Variants in CPQ observed in about 807,000 individuals in gnomAD.
CPQ encodes the protein carboxypeptidase Q.
In CPQ, 37 loss-of-function variants were observed where a neutral mutation model predicts 45.7. That is an observed-to-expected ratio of 0.81 (90% CI 0.62 to 1.07). The LOEUF is 1.07. Among genes scored for constraint, CPQ ranks in the 50% least tolerant of loss-of-function variants. The pLI is 0.00. For synonymous variants in CPQ, 186 were observed against 205.8 expected (o/e 0.90, Z 0.82); for missense variants, 537 against 572.9 (o/e 0.94, Z 0.64).
intron 1 of CPQ, among the ~76,000 whole-genome samples, chr8:96,751,834 C>A (rs185100157): frequency 3.3e-4 from 50 of 152,198 alleles, no homozygotes; most frequent in African/African-American, 1.1e-3. Flanking sequence ...AGTAAGGGGT[C>A]CAGTTTCAAT....
At chr8:96,888,740 G>A (rs916247309) in intron 4 of CPQ, among the ~76,000 whole-genome samples, 27 of 152,298 alleles carry the variant, frequency 1.8e-4, no homozygotes, top group African/African-American at 6.5e-4. Context: ...TTTGATCATG[G>A]AACACTGTTT....
chr8:96,716,014 T>C (rs1363146164), intron 1 of CPQ, among the ~76,000 whole-genome samples: 1 of 152,254 alleles, frequency 6.6e-6, no homozygotes, highest in Non-Finnish European at 1.5e-5. Context: ...CCTTTGGGTA[T>C]ACATAGCCTT....
In CPQ at chr8:96,769,967, G is replaced by A. The variant is rs187755460; in HGVS notation, c.-34-14897G>A. ...AAAGATGCCTCCTTTTGAACAGTAAGAATTTAGGCTTTGTTGTTTTATACA... is the reference window on the plus strand; with the variant it reads ...AAAGATGCCTCCTTTTGAACAGTAAAAATTTAGGCTTTGTTGTTTTATACA... On this transcript the variant is annotated intron_variant, in intron 1 of 7. Transcript: ENST00000220763. Among the ~76,000 whole-genome samples, 24 of 152,222 alleles carry A rather than the reference G, an allele frequency of 1.6e-4. No individual in the cohort carries two copies. In the East Asian group the frequency reaches 4.6e-3, roughly 29 times the overall value.
Position 96,758,197 on chromosome 8 carries a change from G to A in CPQ, c.-34-26667G>A, listed in dbSNP as rs1322052459. ...TCTTTTAGCAAAAGTAAAATAAGTAGAGCTCATAGAATGGGAAGACTGGTT... is the reference window on the plus strand; with the variant it reads ...TCTTTTAGCAAAAGTAAAATAAGTAAAGCTCATAGAATGGGAAGACTGGTT... On this transcript the variant is annotated intron_variant, in intron 1 of 7. Coordinates refer to ENST00000220763, the MANE Select transcript of CPQ (RefSeq NM_016134.4). 2.0e-5 allele frequency among the ~76,000 whole-genome samples: 3 copies of A among 152,258 alleles called. No individual in the cohort carries two copies. The East Asian group carries it at 5.8e-4, about 29-fold the overall frequency.
intron 3 of CPQ, among the ~76,000 whole-genome samples, chr8:96,872,648 A>G (rs1407724671): frequency 6.6e-6 from 1 of 151,880 alleles, no homozygotes; most frequent in African/African-American, 2.4e-5. Context: ...AACTCGACTA[A>G]TGGTGGTTGT....
At chr8:96,898,305 T>C (rs1453328626) in intron 4 of CPQ, among the ~76,000 whole-genome samples, 2 of 152,146 alleles carry the variant, frequency 1.3e-5, no homozygotes, top group Non-Finnish European at 2.9e-5. Context: ...TGAGATGATG[T>C]CTCTGCAAGC....
rs149233469 is a variant in CPQ at position 96,982,145 on chromosome 8, T to C, written c.961+16099T>C. ...TTTGGTGGAGCAGTGATGTGGGATA[T>C]AGAGTGACAAGGCAATGTTCATAGT... On this transcript the variant is annotated intron_variant, in intron 5 of 7. Transcript: ENST00000220763. Among the ~76,000 whole-genome samples the C allele has an allele frequency of 3.3e-3, 504 of 152,314 alleles. 1 individual carries two copies. The highest frequency in any genetic ancestry group is 5.5e-3 in the Non-Finnish European group (371 of 68,030).
At chr8:96,793,197 A>G (rs1488243151) in intron 2 of CPQ, among the ~76,000 whole-genome samples, 1 of 152,214 alleles carries the variant, frequency 6.6e-6, no homozygotes. Context: ...AAGCATGTAC[A>G]TAAATATAAA....
At chr8:96,989,300 G>A (rs1411694588) in intron 5 of CPQ, among the ~76,000 whole-genome samples, 2 of 152,038 alleles carry the variant, frequency 1.3e-5, no homozygotes, top group Non-Finnish European at 2.9e-5. Context: ...TCATGTGACT[G>A]GTGGAGCTTG....
intron 1 of CPQ, among the ~76,000 whole-genome samples, chr8:96,663,911 A>C (rs544912355): frequency 1.3e-5 from 2 of 152,292 alleles, no homozygotes; most frequent in East Asian, 3.9e-4. Flanking sequence ...AAGGAGTTTA[A>C]ATTATTCTTT....
intron 4 of CPQ, 97 bp downstream of exon 4, chr8:96,880,102 G>T: frequency 9.8e-7 from 1 of 1,024,186 alleles, no homozygotes; most frequent in Non-Finnish European, 1.5e-6. Context: ...AAACCACCTA[G>T]ATGGTCCTCA....
At chr8:96,966,553 T>C (rs1813567825) in intron 5 of CPQ, among the ~76,000 whole-genome samples, 1 of 152,168 alleles carries the variant, frequency 6.6e-6, no homozygotes, top group Non-Finnish European at 1.5e-5. Context: ...CATGATAGGA[T>C]GTTTTGCAGC....
chr8:96,802,380 AG>A (rs1200775157), intron 2 of CPQ, among the ~76,000 whole-genome samples: 6 of 152,342 alleles, frequency 3.9e-5, no homozygotes, highest in Admixed American at 3.3e-4. Flanking sequence ...ATAACAGTAA[AG>A]AAACATTTTG....
At chr8:96,753,631 CTTGAATATGT>C (rs1226235480) in intron 1 of CPQ, among the ~76,000 whole-genome samples, 28 of 139,376 alleles carry the variant, frequency 2.0e-4, no homozygotes, top group Non-Finnish European at 3.0e-4. Flanking sequence ...AAAATTGAAT[CTTGAATATGT>C]ATTTTATAAT....
intron 5 of CPQ, among the ~76,000 whole-genome samples, chr8:97,001,600 G>A (rs1459944351): frequency 6.6e-6 from 1 of 151,822 alleles, no homozygotes; most frequent in Non-Finnish European, 1.5e-5. Context: ...AAGCCTACTT[G>A]ATTGTGGTGG....
intron 1 of CPQ, among the ~76,000 whole-genome samples, chr8:96,754,964 C>G (rs1368137291): frequency 6.6e-6 from 1 of 151,898 alleles, no homozygotes; most frequent in Non-Finnish European, 1.5e-5. Flanking sequence ...CTACTTATCT[C>G]TTCCATCTAT....
chr8:97,105,197 T>C (rs978379491), intron 7 of CPQ, among the ~76,000 whole-genome samples: 1 of 152,210 alleles, frequency 6.6e-6, no homozygotes, highest in Non-Finnish European at 1.5e-5. Flanking sequence ...TTTGGGGATT[T>C]TTTTAGATTA....
chr8:96,860,462 A>G (rs1563515025), intron 3 of CPQ, among the ~76,000 whole-genome samples: 1 of 152,140 alleles, frequency 6.6e-6, no homozygotes, highest in South Asian at 2.1e-4. Flanking sequence ...TGGTTCACTC[A>G]GTGTATTTGA....
intron 1 of CPQ, among the ~76,000 whole-genome samples, chr8:96,750,223 A>G (rs1001358671): frequency 3.9e-5 from 6 of 151,928 alleles, no homozygotes; most frequent in Non-Finnish European, 8.8e-5. Flanking sequence ...TGATGTTACA[A>G]ATTTTCTACA....
Sources: gnomAD v4.1 joint callset for allele counts (sites outside exome capture counted in the v4.1 genomes callset) on GRCh38, gnomAD v4.1.1 for gene constraint, MANE v1.5 for transcripts, NCBI Gene and HGNC (gene_info 2026-07-23, HGNC 2026-07-21) for gene names.